Variants in POLR2D observed in about 807,000 individuals in gnomAD.
The protein encoded by POLR2D is RNA polymerase II subunit D, also known as DNA-directed RNA polymerase II subunit RPB4.
POLR2D carries 10 observed loss-of-function variants against 17.6 expected under a neutral mutation model. That is an observed-to-expected ratio of 0.57 (90% confidence interval 0.35 to 0.96). The LOEUF (loss-of-function observed/expected upper bound fraction) is 0.96, where lower values mean the gene tolerates loss of function less well. Ranked by LOEUF, POLR2D falls within the 40% of genes least tolerant of loss-of-function variation. The pLI, the probability that POLR2D is intolerant of heterozygous loss-of-function variation, is 0.02. For synonymous variants in POLR2D, 52 were observed against 60.2 expected (o/e 0.86, Z 0.63); for missense variants, 126 against 176.4 (o/e 0.71, Z 1.62).
Position 127,847,952 on chromosome 2 carries a change from A to G in POLR2D, c.*155T>C. ...CACCTGGGCCTGTGAGTTATTTGAA[A>G]CAGCAACCTAACCCCACGCCAAGCT... On this transcript the variant is annotated 3_prime_UTR_variant, in exon 4 of 4. Coordinates refer to ENST00000272645, the MANE Select transcript of POLR2D (RefSeq NM_004805.4). The G allele has an allele frequency of 1.5e-6, 1 of 665,974 alleles. No homozygotes were observed. Among genetic ancestry groups the G allele is most frequent in the Non-Finnish European group, 2.7e-6 (1 of 364,762 alleles). 41.3% of individuals were successfully genotyped at this position (665,974 alleles called of 1,614,324 possible). A position where few individuals can be genotyped will look rare whatever the true frequency, so the allele number is the denominator to read the frequency against.
At chr2:127,857,726 T>C in intron 1 of POLR2D, 1 of 946,390 alleles carries the variant, frequency 1.1e-6, no homozygotes, top group Non-Finnish European at 1.3e-6. Flanking sequence ...CTCTTTTCCC[T>C]AGTGCAACAG....
chr2:127,854,216 CCTT>C (rs1257744881), intron 1 of POLR2D, among the ~76,000 whole-genome samples: 1 of 152,142 alleles, frequency 6.6e-6, no homozygotes, highest in East Asian at 1.9e-4. Flanking sequence ...TATACGGCGA[CCTT>C]CTACATTTCT....
intron 2 of POLR2D, among the ~76,000 whole-genome samples, chr2:127,851,833 C>T (rs547807391): frequency 2.0e-5 from 3 of 152,164 alleles, no homozygotes; most frequent in Non-Finnish European, 4.4e-5. Context: ...CTATGTCACC[C>T]GGGCTGCAGT....
Position 127,858,114 on chromosome 2 carries a change from C to G in POLR2D, c.-14G>C. 2 of 1,476,520 alleles carry G rather than the reference C, an allele frequency of 1.4e-6. No homozygotes were observed. The highest frequency in any genetic ancestry group is 1.9e-4 in the Middle Eastern group (1 of 5,340). The allele number at this position is 1,476,520 out of a possible 1,614,324, so 91.5% of individuals were successfully genotyped here. On this transcript the variant is annotated 5_prime_UTR_variant, in exon 1 of 4. Transcript: ENST00000272645. ...ACCCGCCGCCATCGCCGCGCCGCGC[C>G]GCGCGCCACCACCAGCGCCGCCGGA...
rs113608119 is a variant in POLR2D, at chr2:127,848,197, T to C, written c.351-12A>G. 3.1e-6 allele frequency: 5 copies of C among 1,587,864 alleles called. No homozygotes were observed. The highest frequency in any genetic ancestry group is 2.7e-5 in the African/African-American group (2 of 74,202). ...ACCGTCCCTCCAAGCTACAAGAAAA[T>C]GAAAAGAAATGAGTGATTTGGCGAC... On this transcript the variant is annotated splice_polypyrimidine_tract_variant and intron_variant, in intron 3 of 3. Transcript: ENST00000272645.
intron 1 of POLR2D, among the ~76,000 whole-genome samples, chr2:127,853,843 T>TA (rs1432656250): frequency 6.6e-6 from 1 of 152,118 alleles, no homozygotes; most frequent in Non-Finnish European, 1.5e-5. Flanking sequence ...AAGGCACAGT[T>TA]ACATACCACA....
chr2:127,855,606 G>T (rs1483558334), intron 1 of POLR2D, among the ~76,000 whole-genome samples: 3 of 152,148 alleles, frequency 2.0e-5, no homozygotes, highest in Non-Finnish European at 4.4e-5. Context: ...GTAACTCAGA[G>T]TGCCTAGGAA....
At position 127,845,677 on chromosome 2, in the gene POLR2D, A is replaced by G. The variant is rs1319756558; in HGVS notation, c.*2430T>C. 1 of 152,120 alleles carries G rather than the reference A, an allele frequency of 6.6e-6. No individual in the cohort carries two copies. Among genetic ancestry groups the G allele is most frequent in the Non-Finnish European group, 1.5e-5 (1 of 68,028 alleles). The allele number at this position is 152,120 out of a possible 1,614,324, so 9.4% of individuals were successfully genotyped here. On this transcript the variant is annotated 3_prime_UTR_variant, in exon 4 of 4. Coordinates refer to ENST00000272645, the MANE Select transcript of POLR2D (RefSeq NM_004805.4). ...AGGGTGAGCCACCACGCCTGGCCCAATTTCATTTATTTTCCAAGTCTGATA... is the reference window on the plus strand; with the variant it reads ...AGGGTGAGCCACCACGCCTGGCCCAGTTTCATTTATTTTCCAAGTCTGATA...
intron 1 of POLR2D, among the ~76,000 whole-genome samples, chr2:127,857,425 G>T (rs1690355838): frequency 6.6e-6 from 1 of 152,178 alleles, no homozygotes; most frequent in African/African-American, 2.4e-5. Context: ...CACTTAAAGT[G>T]CGTGCGTGAG....
chr2:127,857,851 CGGTCCCTCCCAAGGCCAT>C (rs1253915805), intron 1 of POLR2D, 159 bp downstream of exon 1: 173 of 1,323,414 alleles, frequency 1.3e-4, no homozygotes, highest in East Asian at 4.1e-4. Flanking sequence ...GTTGCCCAGG[CGGTCCCTCCCAAGGCCAT>C]GGTCCCTCCC....
Position 127,853,028 on chromosome 2 carries a change from C to T in POLR2D, c.151G>A (p.Ala51Thr). The T allele has an allele frequency of 4.3e-6, 7 of 1,613,310 alleles. No homozygotes were observed. Among genetic ancestry groups the T allele is most frequent in the Non-Finnish European group, 5.9e-6 (7 of 1,179,194 alleles). The change falls in exon 2 of 4, where the codon GCA (alanine) becomes ACA (threonine). Residue 51 changes from alanine (A) to threonine (T), a missense_variant. Transcript: ENST00000272645. ...TCTGAGAGCTCCTGTTCGTCCTCTG[C>T]ACTCTCATTCTGCTGCTTTCGATGT... ...LEHRKQQNES[A>T]EDEQELSEVF...
chr2:127,848,027 T>C lies in POLR2D; in HGVS notation c.*80A>G, dbSNP rs1035903916. ...TCAACTGTCTTCAACAGAATTTCTG[T>C]GCAAGTCAGCCCCAGACAGTGGGAA... is the stretch of plus-strand genomic sequence containing the variant. On this transcript the variant is annotated 3_prime_UTR_variant, in exon 4 of 4. Transcript: ENST00000272645. The C allele has an allele frequency of 2.1e-6, 2 of 972,866 alleles. No individual in the cohort carries two copies. Among genetic ancestry groups the C allele is most frequent in the Admixed American group, 3.5e-5 (2 of 57,522 alleles). 60.3% of individuals were successfully genotyped at this position (972,866 alleles called of 1,614,324 possible). A position where few individuals can be genotyped will look rare whatever the true frequency, so the allele number is the denominator to read the frequency against.
chr2:127,851,415 TCAAAACAAAA>T (rs1246583208), intron 2 of POLR2D, among the ~76,000 whole-genome samples: 9 of 151,214 alleles, frequency 6.0e-5, no homozygotes, highest in African/African-American at 2.2e-4. Flanking sequence ...TGAGACTGTC[TCAAAACAAAA>T]CGAAACAAAA....
chr2:127,850,513 T>C (rs1573518402), intron 3 of POLR2D, 77 bp downstream of exon 3: 3 of 483,708 alleles, frequency 6.2e-6, no homozygotes, highest in East Asian at 8.5e-5. Flanking sequence ...ATATAACGCA[T>C]ACACATTTTA....
chr2:127,851,939 C>T (rs113794414), intron 2 of POLR2D, among the ~76,000 whole-genome samples: 3,570 of 152,224 alleles, frequency 0.023, 131 homozygotes, highest in African/African-American at 0.08. Context: ...TACAGGCATG[C>T]GCTACCACGC....
At chr2:127,848,332 C>A in intron 3 of POLR2D, 147 bp from the exon 4 acceptor site, 2 of 576,298 alleles carry the variant, frequency 3.5e-6, no homozygotes, top group South Asian at 2.3e-5. Flanking sequence ...TAAAACATTA[C>A]AAAATATTTC....
chr2:127,853,173 G>A (rs10171898), intron 1 of POLR2D, 68 bp from the exon 2 acceptor site: 131,902 of 1,242,452 alleles, frequency 0.11, 8,516 homozygotes, highest in African/African-American at 0.27. Flanking sequence ...AATGTTCACT[G>A]TGCATTTGAA....
rs768142630 is a variant in POLR2D, at chr2:127,850,573, T to C, written c.350+17A>G. ...ATTTATCCAGTATACAGAGAACTTA[T>C]CACAACTGGTACTAACCTTGGGATT... On this transcript the variant is annotated intron_variant, in intron 3 of 3. Coordinates refer to ENST00000272645, the MANE Select transcript of POLR2D (RefSeq NM_004805.4). 42 of 1,220,664 alleles carry C rather than the reference T, an allele frequency of 3.4e-5. No homozygotes were observed. Among genetic ancestry groups the C allele is most frequent in the Admixed American group, 2.8e-4 (13 of 47,018 alleles). The allele number at this position is 1,220,664 out of a possible 1,614,324, so 75.6% of individuals were successfully genotyped here.
At chr2:127,853,248 T>C in intron 1 of POLR2D, 143 bp from the exon 2 acceptor site, 1 of 662,976 alleles carries the variant, frequency 1.5e-6, no homozygotes, top group South Asian at 1.9e-5. Flanking sequence ...TTTGAACTTT[T>C]ATTTTAGGTT....
Sources: allele counts gnomAD v4.1 joint callset (sites outside exome capture counted in the v4.1 genomes callset), GRCh38; gene constraint gnomAD v4.1.1; transcripts MANE v1.5; gene names NCBI Gene and HGNC (gene_info 2026-07-23, HGNC 2026-07-21).